DOCK2: variants seen among roughly 807,000 people sequenced by gnomAD.
DOCK2 encodes the protein dedicator of cytokinesis 2.
Under a neutral mutation model 248.9 loss-of-function variants are expected in DOCK2, and 87 were observed. The observed-to-expected ratio is 0.35, with a 90% CI of 0.29 to 0.42. The LOEUF (loss-of-function observed/expected upper bound fraction) is 0.42. Among genes scored for constraint, DOCK2 ranks in the 10% least tolerant of loss-of-function variants. DOCK2 has a pLI of 1.00. For synonymous variants in DOCK2, 805 were observed against 821.6 expected, an observed-to-expected ratio of 0.98 and a Z score of 0.35; for missense variants, 1,747 against 2,300.2, an observed-to-expected ratio of 0.76 and a Z score of 4.92.
intron 41 of DOCK2, among the ~76,000 whole-genome samples, chr5:170,052,848 C>A (rs541930182): frequency 3.9e-5 from 6 of 152,192 alleles, no homozygotes; most frequent in Non-Finnish European, 8.8e-5. Context: ...AACTGAGGCT[C>A]ACAGAATTTA....
chr5:169,925,578 T>TAAAAAAAAAAAAAAA (rs1561828965), intron 27 of DOCK2, among the ~76,000 whole-genome samples: 2 of 32,324 alleles, frequency 6.2e-5, no homozygotes, highest in African/African-American at 1.3e-4. Context: ...AGACTCTGTC[T>TAAAAAAAAAAAAAAA]TAAAAAAAAA....
At chr5:169,641,379 C>T (rs560639990) in intron 1 of DOCK2, among the ~76,000 whole-genome samples, 1 of 152,290 alleles carries the variant, frequency 6.6e-6, no homozygotes, top group African/African-American at 2.4e-5. Flanking sequence ...GCTCGTGGTT[C>T]AGGGATGTGG....
chr5:169,956,007 C>T (rs1776850539), intron 27 of DOCK2, among the ~76,000 whole-genome samples: 1 of 144,394 alleles, frequency 6.9e-6, no homozygotes, highest in Admixed American at 7.0e-5. Context: ...CTCAGGGAAA[C>T]AAAGAGTCAA....
intron 27 of DOCK2, among the ~76,000 whole-genome samples, chr5:169,937,247 C>G (rs910559752): frequency 1.1e-4 from 17 of 152,176 alleles, no homozygotes; most frequent in African/African-American, 3.6e-4. Context: ...GCTTGAAAAG[C>G]CTTCAACATT....
intron 30 of DOCK2, chr5:170,000,445 G>C (rs144960139): frequency 6.6e-6 from 1 of 152,310 alleles, no homozygotes. Flanking sequence ...TTCAACCCCA[G>C]GCCTGTCTGC....
intron 27 of DOCK2, among the ~76,000 whole-genome samples, chr5:169,953,462 G>A (rs770631955): frequency 3.3e-5 from 5 of 152,102 alleles, no homozygotes; most frequent in Admixed American, 6.6e-5. Flanking sequence ...CTCTAAACCC[G>A]CAATTCCCTT....
intron 27 of DOCK2, among the ~76,000 whole-genome samples, chr5:169,854,377 G>A (rs942919214): frequency 1.3e-5 from 2 of 151,806 alleles, no homozygotes; most frequent in African/African-American, 4.8e-5. Flanking sequence ...TAGAGACGGG[G>A]TTTCACCACA....
intron 27 of DOCK2, among the ~76,000 whole-genome samples, chr5:169,888,890 T>C (rs937086900): frequency 6.6e-6 from 1 of 152,222 alleles, no homozygotes; most frequent in African/African-American, 2.4e-5. Flanking sequence ...GGTGCATTCA[T>C]GGGAAGGAAT....
At chr5:169,881,428 C>T (rs567915577) in intron 27 of DOCK2, 8 of 1,551,392 alleles carry the variant, frequency 5.2e-6, no homozygotes, top group East Asian at 2.4e-5. Context: ...TTGGCCAGTT[C>T]GATAAAAGTT....
In DOCK2 at chr5:169,712,146, G is replaced by T. The variant is rs1581078419; in HGVS notation, c.1582G>T (p.Ala528Ser). ...ESKDKGEKNF[A>S]MSYVKLMKED... is the part of the protein sequence containing the mutation. ...TAAAGATAAAGGAGAAAAGAACTTT[G>T]CCATGTCCTATGTGAAGCTGATGAA... The change falls in exon 17 of 52, where the codon GCC (alanine) becomes TCC (serine). Residue 528 changes from alanine (A) to serine (S), a missense_variant. Around this residue, in one of 4 missense-constraint regions of DOCK2, gnomAD observed 858 missense variants for 1,183.5 expected, o/e 0.72. Coordinates refer to ENST00000520908, the MANE Select transcript of DOCK2 (RefSeq NM_004946.3). 2 of 1,614,070 alleles carry T rather than the reference G, an allele frequency of 1.2e-6. No homozygotes were observed. The highest frequency in any genetic ancestry group is 2.2e-5 in the South Asian group (2 of 91,072).
At chr5:169,906,532 A>G (rs755268733) in intron 27 of DOCK2, among the ~76,000 whole-genome samples, 1 of 152,110 alleles carries the variant, frequency 6.6e-6, no homozygotes, top group Admixed American at 6.5e-5. Context: ...GGGTCTCCCT[A>G]TGTTTCCCAG....
intron 7 of DOCK2, 51 bp downstream of exon 7, chr5:169,681,930 T>A (rs374300161): frequency 1.9e-6 from 3 of 1,599,030 alleles, no homozygotes; most frequent in African/African-American, 2.7e-5. Context: ...ATTTAGCACA[T>A]CATAAACTTA....
chr5:169,683,100 C>T (rs1759757071), intron 7 of DOCK2, among the ~76,000 whole-genome samples: 1 of 152,210 alleles, frequency 6.6e-6, no homozygotes, highest in African/African-American at 2.4e-5. Flanking sequence ...CATTTGGAAA[C>T]AAATCCTTGT....
At chr5:170,034,158 A>G (rs957974628) in intron 34 of DOCK2, among the ~76,000 whole-genome samples, 7 of 152,254 alleles carry the variant, frequency 4.6e-5, no homozygotes, top group African/African-American at 9.6e-5. Flanking sequence ...AAAAGTGACC[A>G]TCTCCCCCAC....
At chr5:169,933,175 C>A (rs1775835481) in intron 27 of DOCK2, among the ~76,000 whole-genome samples, 1 of 152,162 alleles carries the variant, frequency 6.6e-6, no homozygotes, top group Non-Finnish European at 1.5e-5. Context: ...TTTTGGTGTA[C>A]CCTGAAAGAG....
At chr5:169,751,489 G>A (rs1052765373) in intron 23 of DOCK2, among the ~76,000 whole-genome samples, 2 of 152,150 alleles carry the variant, frequency 1.3e-5, no homozygotes, top group African/African-American at 4.8e-5. Context: ...GAATGCCCGT[G>A]GTTGATGTTC....
intron 27 of DOCK2, among the ~76,000 whole-genome samples, chr5:169,949,410 T>C (rs1206205841): frequency 6.6e-6 from 1 of 152,128 alleles, no homozygotes; most frequent in Non-Finnish European, 1.5e-5. Context: ...AAGGGATGGC[T>C]TTTGAGATTT....
intron 27 of DOCK2, among the ~76,000 whole-genome samples, chr5:169,887,371 G>GA (rs1026198080): frequency 6.6e-6 from 1 of 152,074 alleles, no homozygotes; most frequent in African/African-American, 2.4e-5. Context: ...ACAAAAGGAA[G>GA]AAAAAAATCA....
chr5:170,056,993 G>T (rs1757154728), intron 43 of DOCK2: 1 of 510,116 alleles, frequency 2.0e-6, no homozygotes. Flanking sequence ...CCTCATGTCA[G>T]AGGCACTTTT....
Sources: gnomAD v4.1 joint callset for allele counts (sites outside exome capture counted in the v4.1 genomes callset) on GRCh38, gnomAD v4.1.1 for gene constraint, gnomAD v4.1.1 regional missense constraint, MANE v1.5 for transcripts, NCBI Gene and HGNC (gene_info 2026-07-23, HGNC 2026-07-21) for gene names.